The following CSMD3 variants were observed in gnomAD, a reference collection of about 807,000 sequenced individuals.
CSMD3 encodes the protein CUB and Sushi multiple domains 3.
CSMD3 carries 177 observed loss-of-function variants against 435.2 expected under a neutral mutation model. The observed-to-expected ratio is 0.41, with a 90% confidence interval of 0.36 to 0.46. The LOEUF is 0.46. Among genes scored for constraint, CSMD3 ranks in the 20% least tolerant of loss-of-function variants. The pLI, the probability that CSMD3 is intolerant of heterozygous loss-of-function variation, is 0.34. For missense variants in CSMD3, 4,265 were observed against 4,504.6 expected (o/e 0.95, Z 1.52); for synonymous variants, 1,656 against 1,520.5 (o/e 1.09, Z -2.07).
intron 10 of CSMD3, among the ~76,000 whole-genome samples, chr8:112,907,783 G>A (rs1450523423): frequency 6.6e-6 from 1 of 151,340 alleles, no homozygotes; most frequent in Non-Finnish European, 1.5e-5. Context: ...CAATTTTTGA[G>A]TTGAATGATA....
intron 32 of CSMD3, among the ~76,000 whole-genome samples, chr8:112,460,812 C>T (rs73702878): frequency 3.3e-5 from 5 of 152,030 alleles, no homozygotes; most frequent in African/African-American, 9.6e-5. Flanking sequence ...AATCTCTGTT[C>T]GAGTTTCTGC....
chr8:113,235,711 T>C (rs1167416008), intron 3 of CSMD3, among the ~76,000 whole-genome samples: 1 of 152,064 alleles, frequency 6.6e-6, no homozygotes, highest in African/African-American at 2.4e-5. Context: ...ATGGGGAAAA[T>C]CTGCTGTCAA....
intron 32 of CSMD3, among the ~76,000 whole-genome samples, chr8:112,413,104 A>G (rs1004157921): frequency 7.2e-5 from 11 of 152,174 alleles, no homozygotes; most frequent in African/African-American, 2.7e-4. Flanking sequence ...AATCACTTTA[A>G]AAGTCTGGAG....
chr8:112,946,296 A>G (rs2083608825), intron 9 of CSMD3, among the ~76,000 whole-genome samples: 1 of 151,792 alleles, frequency 6.6e-6, no homozygotes, highest in South Asian at 2.1e-4. Flanking sequence ...ACCGAATAAG[A>G]TATACATTAT....
At chr8:112,650,576 A>G (rs1312844120) in intron 18 of CSMD3, among the ~76,000 whole-genome samples, 1 of 152,238 alleles carries the variant, frequency 6.6e-6, no homozygotes, top group Non-Finnish European at 1.5e-5. Context: ...ATGAAAATGT[A>G]TAACTATCTG....
At chr8:112,832,578 A>G (rs2079906599) in intron 11 of CSMD3, among the ~76,000 whole-genome samples, 1 of 152,160 alleles carries the variant, frequency 6.6e-6, no homozygotes, top group Non-Finnish European at 1.5e-5. Flanking sequence ...TTTAGCATGG[A>G]GCAGTGGGTG....
At chr8:113,023,847 T>C (rs1037054592) in intron 5 of CSMD3, among the ~76,000 whole-genome samples, 3 of 152,124 alleles carry the variant, frequency 2.0e-5, no homozygotes, top group Admixed American at 6.6e-5. Flanking sequence ...TTTCAGTACA[T>C]ACATACATTG....
chr8:113,197,489 T>C (rs2092671453), intron 3 of CSMD3, among the ~76,000 whole-genome samples: 1 of 151,198 alleles, frequency 6.6e-6, no homozygotes, highest in South Asian at 2.1e-4. Context: ...TAAGCCATGT[T>C]AAAAAGTTAG....
chr8:112,989,331 G>A (rs1163917412), intron 6 of CSMD3, among the ~76,000 whole-genome samples: 2 of 151,692 alleles, frequency 1.3e-5, no homozygotes, highest in Admixed American at 6.6e-5. Context: ...TTATCACTTG[G>A]GCATTTCACT....
At chr8:112,816,579 C>T (rs2079381811) in intron 12 of CSMD3, among the ~76,000 whole-genome samples, 1 of 151,924 alleles carries the variant, frequency 6.6e-6, no homozygotes, top group South Asian at 2.1e-4. Flanking sequence ...TCCTTGGATG[C>T]AGAAGAATTT....
At chr8:113,081,517 C>T in intron 5 of CSMD3, among the ~76,000 whole-genome samples, 1 of 152,134 alleles carries the variant, frequency 6.6e-6, no homozygotes, top group Non-Finnish European at 1.5e-5. Flanking sequence ...GCCCCCTCAG[C>T]ACCCCGATAC....
intron 10 of CSMD3, among the ~76,000 whole-genome samples, chr8:112,859,960 C>A (rs2080777119): frequency 6.6e-6 from 1 of 151,760 alleles, no homozygotes; most frequent in South Asian, 2.1e-4. Flanking sequence ...TCTATCAAAT[C>A]CTGCCCATAT....
At position 112,343,150 on chromosome 8, in the gene CSMD3, A is replaced by G. The variant is rs905921036; in HGVS notation, c.6443-1464T>C. Among the ~76,000 whole-genome samples the G allele has an allele frequency of 4.0e-5, 6 of 151,238 alleles. No individual in the cohort carries two copies. In the East Asian group the frequency reaches 1.2e-3, roughly 29 times the overall value. On this transcript the variant is annotated intron_variant, in intron 41 of 70. Coordinates refer to ENST00000297405, the MANE Select transcript of CSMD3 (RefSeq NM_198123.2). The stretch of plus-strand genomic sequence containing the variant: ...ATGTTTTCATTTATAAATTAGAGCT[A>G]TATATTCAAGTTTTAATAAAGTTGG...
chr8:112,284,557 TATCGTA>T (rs72338188), intron 58 of CSMD3, among the ~76,000 whole-genome samples: 5,300 of 151,938 alleles, frequency 0.035, 304 homozygotes, highest in African/African-American at 0.12. Context: ...TCATGGCCTA[TATCGTA>T]ATATTTTATT....
At chr8:112,565,742 T>G (rs1420865630) in intron 24 of CSMD3, among the ~76,000 whole-genome samples, 1 of 152,248 alleles carries the variant, frequency 6.6e-6, no homozygotes, top group East Asian at 1.9e-4. Context: ...AAGACAATAG[T>G]ATAATCCATC....
intron 13 of CSMD3, among the ~76,000 whole-genome samples, chr8:112,695,267 T>C (rs1052526475): frequency 6.6e-6 from 1 of 152,224 alleles, no homozygotes; most frequent in Non-Finnish European, 1.5e-5. Context: ...TGTAACGTTA[T>C]AGAAACCTAA....
At chr8:113,202,347 C>T (rs2092723804) in intron 3 of CSMD3, among the ~76,000 whole-genome samples, 1 of 152,134 alleles carries the variant, frequency 6.6e-6, no homozygotes, top group Admixed American at 6.6e-5. Context: ...TTGCAAATTA[C>T]TGTTGCCTGG....
chr8:112,432,844 G>C (rs756498831), intron 32 of CSMD3, among the ~76,000 whole-genome samples: 6 of 151,314 alleles, frequency 4.0e-5, no homozygotes, highest in South Asian at 2.1e-4. Flanking sequence ...GGGAGGCTGA[G>C]GTAAGAGGAT....
chr8:113,369,461 G>GT lies in CSMD3; in HGVS notation c.179-54669dup, dbSNP rs545218733. ...ACTGTTGTACATTGTTGGTGTGGACGTAAGTCAGTACAAATATTATGGAAA... is the reference window on the plus strand; with the variant it reads ...ACTGTTGTACATTGTTGGTGTGGACGTTAAGTCAGTACAAATATTATGGAAA... On this transcript the variant is annotated intron_variant, in intron 1 of 70. Transcript: ENST00000297405. Among the ~76,000 whole-genome samples the GT allele has an allele frequency of 3.3e-3, 496 of 152,074 alleles. 3 individuals are homozygous for GT. Among genetic ancestry groups the GT allele is most frequent in the African/African-American group, 0.011 (456 of 41,550 alleles).
Sources: gnomAD v4.1 joint callset for allele counts (sites outside exome capture counted in the v4.1 genomes callset) on GRCh38, gnomAD v4.1.1 for gene constraint, MANE v1.5 for transcripts, NCBI Gene and HGNC (gene_info 2026-07-23, HGNC 2026-07-21) for gene names.